Variants in CDK12 observed in about 807,000 individuals in gnomAD.
The protein encoded by CDK12 is cyclin-dependent kinase 12.
CDK12 carries 17 observed loss-of-function variants against 133.8 expected under a neutral mutation model. That is an observed-to-expected ratio of 0.13 (90% CI 0.09 to 0.19). The LOEUF (loss-of-function observed/expected upper bound fraction) is 0.19. CDK12 is among the 10% of genes least tolerant of loss of function. The pLI, the probability that CDK12 is intolerant of heterozygous loss-of-function variation, is 1.00. For synonymous variants in CDK12, 694 were observed against 683.6 expected (o/e 1.02, Z -0.24); for missense variants, 1,508 against 1,818.7 (o/e 0.83, Z 3.11).
chr17:39,477,571 T>A (rs1317758580), intron 2 of CDK12, among the ~76,000 whole-genome samples: 1 of 145,098 alleles, frequency 6.9e-6, no homozygotes, highest in Non-Finnish European at 1.5e-5. Flanking sequence ...TTATTTATTA[T>A]TTATTTTTTT....
chr17:39,490,271 G>T (rs1164225758), intron 2 of CDK12, among the ~76,000 whole-genome samples: 1 of 151,774 alleles, frequency 6.6e-6, no homozygotes, highest in African/African-American at 2.4e-5. Flanking sequence ...GGAAGCTGAG[G>T]TAGGAGAATC....
At chr17:39,486,580 C>T (rs2145723636) in intron 2 of CDK12, among the ~76,000 whole-genome samples, 1 of 152,122 alleles carries the variant, frequency 6.6e-6, no homozygotes, top group African/African-American at 2.4e-5. Flanking sequence ...TTTTCTTGTT[C>T]TTCTAGTGAA....
intron 2 of CDK12, among the ~76,000 whole-genome samples, chr17:39,490,277 G>T (rs1023830199): frequency 2.0e-5 from 3 of 151,668 alleles, no homozygotes; most frequent in Non-Finnish European, 4.4e-5. Flanking sequence ...TGAGGTAGGA[G>T]AATCACTTGA....
chr17:39,493,143 G>A (rs893700791), intron 4 of CDK12, among the ~76,000 whole-genome samples: 3 of 146,842 alleles, frequency 2.0e-5, no homozygotes, highest in South Asian at 2.2e-4. Context: ...CAGACCGTGC[G>A]CAACCACACT....
upstream of CDK12, chr17:39,550,149 T>A (rs1320668251): frequency 6.6e-6 from 1 of 152,164 alleles, no homozygotes; most frequent in Non-Finnish European, 1.5e-5. Flanking sequence ...ATTGGATGTA[T>A]TTTTAATTAA....
intron 1 of CDK12, among the ~76,000 whole-genome samples, chr17:39,469,072 T>C (rs548001451): frequency 2.7e-4 from 41 of 152,188 alleles, no homozygotes; most frequent in Non-Finnish European, 4.6e-4. Flanking sequence ...CGTGATCTGC[T>C]GCCTCGGCCT....
intron 11 of CDK12, among the ~76,000 whole-genome samples, chr17:39,524,434 T>C (rs931375986): frequency 2.0e-5 from 3 of 152,246 alleles, no homozygotes; most frequent in Admixed American, 6.5e-5. Flanking sequence ...GTACCTAGTA[T>C]TAGCAAGATC....
At chr17:39,490,818 C>G in intron 3 of CDK12, 85 bp downstream of exon 3, 1 of 983,428 alleles carries the variant, frequency 1.0e-6, no homozygotes, top group Non-Finnish European at 1.5e-6. Context: ...CTATAACCCA[C>G]ACCAGTAAGA....
At chr17:39,506,555 T>G in intron 6 of CDK12, among the ~76,000 whole-genome samples, 1 of 152,068 alleles carries the variant, frequency 6.6e-6, no homozygotes, top group Non-Finnish European at 1.5e-5. Flanking sequence ...TGTTCAGCTC[T>G]CTAGGTAGAG....
chr17:39,501,207 C>CTT (rs534398013), intron 5 of CDK12, 43 bp from the exon 6 acceptor site: 8,108 of 1,200,646 alleles, frequency 6.8e-3, no homozygotes, highest in South Asian at 0.01. Context: ...TTTCAGCATT[C>CTT]TTTTTTTTTT....
intron 6 of CDK12, among the ~76,000 whole-genome samples, chr17:39,507,236 A>G (rs940894615): frequency 6.6e-6 from 1 of 151,558 alleles, no homozygotes; most frequent in East Asian, 2.0e-4. Context: ...GTACTTCCAC[A>G]CTTCATACTG....
intron 2 of CDK12, among the ~76,000 whole-genome samples, chr17:39,551,689 A>G (rs1002883917): frequency 1.3e-5 from 2 of 152,194 alleles, no homozygotes; most frequent in African/African-American, 4.8e-5. Context: ...CCATGGCCTT[A>G]GAGCTCTTAG....
At chr17:39,487,787 CTT>C (rs2051259492) in intron 2 of CDK12, among the ~76,000 whole-genome samples, 2 of 151,648 alleles carry the variant, frequency 1.3e-5, no homozygotes, top group Non-Finnish European at 2.9e-5. Flanking sequence ...ATTTTTGTAT[CTT>C]TATTTAATAG....
intron 1 of CDK12, among the ~76,000 whole-genome samples, chr17:39,539,754 GAAAT>G (rs1417878311): frequency 6.6e-6 from 1 of 152,166 alleles, no homozygotes; most frequent in Non-Finnish European, 1.5e-5. Context: ...CCAAAGGAAA[GAAAT>G]AATCGGAGAA....
chr17:39,498,916 T>C (rs1234385250), intron 5 of CDK12, among the ~76,000 whole-genome samples: 13 of 32 alleles, frequency 0.41, no homozygotes, highest in African/African-American at 0.5. Flanking sequence ...TCTTTCTTTC[T>C]TTCTTTCTTT....
chr17:39,531,544 A>G lies in CDK12; in HGVS notation c.*228A>G, dbSNP rs2054846559. On this transcript the variant is annotated 3_prime_UTR_variant, in exon 14 of 14. Transcript: ENST00000447079. Reference sequence around the variant, plus strand: ...GGCTATAGCCAGAACATTTACTTCAACTCTACCTTAGTAGATACAAGTAGA... The same window carrying G: ...GGCTATAGCCAGAACATTTACTTCAGCTCTACCTTAGTAGATACAAGTAGA... 1 of 403,952 alleles carries G rather than the reference A, an allele frequency of 2.5e-6. No individual in the cohort carries two copies. Among genetic ancestry groups the G allele is most frequent in the Admixed American group, 4.0e-5 (1 of 24,784 alleles). The allele number at this position is 403,952 out of a possible 1,614,324, so 25.0% of individuals were successfully genotyped here.
At chr17:39,496,283 T>C (rs2052104976) in intron 5 of CDK12, among the ~76,000 whole-genome samples, 1 of 152,194 alleles carries the variant, frequency 6.6e-6, no homozygotes, top group East Asian at 1.9e-4. Context: ...TATTTCGTGT[T>C]GTATAACTTG....
chr17:39,535,317 A>G (rs1471535822), downstream of CDK12, among the ~76,000 whole-genome samples: 2 of 152,186 alleles, frequency 1.3e-5, no homozygotes, highest in Non-Finnish European at 2.9e-5. Flanking sequence ...AGGTTAAGGG[A>G]TACACCAGAG....
intron 1 of CDK12, chr17:39,550,927 G>A (rs1296696907): frequency 6.6e-6 from 1 of 150,776 alleles, no homozygotes; most frequent in Non-Finnish European, 1.5e-5. Context: ...ACCTACTTGG[G>A]AGGCTAAGGT....
Sources: gnomAD v4.1 joint callset for allele counts (sites outside exome capture counted in the v4.1 genomes callset) on GRCh38, gnomAD v4.1.1 for gene constraint, MANE v1.5 for transcripts, NCBI Gene and HGNC (gene_info 2026-07-23, HGNC 2026-07-21) for gene names.